The following CSMD1 variants were observed in gnomAD, a reference collection of about 807,000 sequenced individuals.
CSMD1 encodes the protein CUB and Sushi multiple domains 1, also known as CUB and sushi domain-containing protein 1.
CSMD1 carries 213 observed loss-of-function variants against 417.5 expected under a neutral mutation model. The observed-to-expected ratio is 0.51, with a 90% CI of 0.46 to 0.57. CSMD1 has a LOEUF of 0.57. Ranked by LOEUF, CSMD1 falls within the 20% of genes least tolerant of loss-of-function variation. The pLI, the probability that CSMD1 is intolerant of heterozygous loss-of-function variation, is 0.00. For missense variants in CSMD1, 6,923 were observed against 4,529.7 expected, an observed-to-expected ratio of 1.53 and a Z score of -15.17; for synonymous variants, 2,862 against 1,736.8, an observed-to-expected ratio of 1.65 and a Z score of -16.11.
At chr8:4,889,440 T>A (rs1803962024) in intron 1 of CSMD1, among the ~76,000 whole-genome samples, 2 of 152,082 alleles carry the variant, frequency 1.3e-5, no homozygotes, top group African/African-American at 4.8e-5. Context: ...AGCCAAAATT[T>A]GAATAAGCTT....
intron 6 of CSMD1, among the ~76,000 whole-genome samples, chr8:3,726,778 G>A (rs1404022501): frequency 6.6e-6 from 1 of 152,116 alleles, no homozygotes; most frequent in Non-Finnish European, 1.5e-5. Context: ...TTCTTAGCAT[G>A]CCCTCTGATG....
chr8:3,299,932 G>C (rs926573102), intron 25 of CSMD1, among the ~76,000 whole-genome samples: 1 of 152,148 alleles, frequency 6.6e-6, no homozygotes, highest in South Asian at 2.1e-4. Flanking sequence ...TTTGGTAATG[G>C]CTATAAAAAT....
chr8:2,950,998 A>T lies in CSMD1; in HGVS notation c.10201+116T>A, dbSNP rs688579. On this transcript the variant is annotated intron_variant, in intron 66 of 69. Transcript: ENST00000635120. ...GAGGCTCCAATGAGTTACAGTATAT[A>T]CAAAGCCAACAGAACAGTAATAAGT... 7.6e-6 allele frequency: 8 copies of T among 1,046,268 alleles called. No individual in the cohort carries two copies. In the South Asian group the frequency reaches 1.3e-4, roughly 17 times the overall value. 64.8% of individuals were successfully genotyped at this position (1,046,268 alleles called of 1,614,324 possible).
chr8:4,855,010 C>G (rs534329304), intron 1 of CSMD1, among the ~76,000 whole-genome samples: 15 of 152,270 alleles, frequency 9.9e-5, no homozygotes, highest in African/African-American at 3.6e-4. Context: ...ACTTAAATGT[C>G]CCTGTCTGAC....
intron 2 of CSMD1, among the ~76,000 whole-genome samples, chr8:4,581,980 G>A (rs576751107): frequency 6.6e-5 from 10 of 152,172 alleles, no homozygotes; most frequent in Non-Finnish European, 1.2e-4. Flanking sequence ...GAAGACAAAC[G>A]ACGATGGCTA....
intron 5 of CSMD1, among the ~76,000 whole-genome samples, chr8:3,783,112 C>T (rs532096090): frequency 8.4e-4 from 128 of 152,264 alleles, no homozygotes; most frequent in African/African-American, 2.9e-3. Context: ...CACCATCCTC[C>T]CTTCTCGGGA....
intron 6 of CSMD1, among the ~76,000 whole-genome samples, chr8:3,722,212 G>C (rs985292204): frequency 6.6e-6 from 1 of 152,130 alleles, no homozygotes; most frequent in Non-Finnish European, 1.5e-5. Flanking sequence ...GGGAGGCTGA[G>C]GCAGGAGAAT....
intron 1 of CSMD1, among the ~76,000 whole-genome samples, chr8:4,906,443 C>A (rs1805280986): frequency 6.6e-6 from 1 of 152,224 alleles, no homozygotes; most frequent in African/African-American, 2.4e-5. Context: ...GGACCAAGGA[C>A]TGTGTTCATT....
At chr8:3,733,809 C>G (rs1796390815) in intron 6 of CSMD1, among the ~76,000 whole-genome samples, 1 of 152,132 alleles carries the variant, frequency 6.6e-6, no homozygotes, top group Non-Finnish European at 1.5e-5. Context: ...ACTGTTAGAA[C>G]TGTTTTTACT....
At chr8:4,834,083 G>C (rs944232943) in intron 1 of CSMD1, among the ~76,000 whole-genome samples, 2 of 152,164 alleles carry the variant, frequency 1.3e-5, no homozygotes. Context: ...TGGACTCCTA[G>C]AGATATTCAA....
chr8:3,260,221 T>C lies in CSMD1; in HGVS notation c.4153+23923A>G, dbSNP rs1056280150. Reference sequence around the variant, plus strand: ...TCCTCACCCTGAATTGAACTCTTTATGCATATAACTAGGTTATCATTTTCT... The same window carrying C: ...TCCTCACCCTGAATTGAACTCTTTACGCATATAACTAGGTTATCATTTTCT... On this transcript the variant is annotated intron_variant, in intron 26 of 69. Transcript: ENST00000635120. Among the ~76,000 whole-genome samples, 5 of 152,168 alleles carry C rather than the reference T, an allele frequency of 3.3e-5. 1 individual carries two copies. Among genetic ancestry groups the C allele is most frequent in the Non-Finnish European group, 7.3e-5 (5 of 68,028 alleles).
intron 3 of CSMD1, among the ~76,000 whole-genome samples, chr8:4,132,980 C>G (rs1283689208): frequency 6.6e-6 from 1 of 152,132 alleles, no homozygotes; most frequent in African/African-American, 2.4e-5. Context: ...GTTATCCAGG[C>G]TGCAGTGCAG....
intron 3 of CSMD1, among the ~76,000 whole-genome samples, chr8:4,096,761 T>C (rs1801033150): frequency 6.6e-6 from 1 of 152,170 alleles, no homozygotes; most frequent in Admixed American, 6.5e-5. Context: ...GTTTTTTCCC[T>C]GCAATTTAGA....
At chr8:4,983,797 T>G (rs962299726) in intron 1 of CSMD1, among the ~76,000 whole-genome samples, 2 of 151,258 alleles carry the variant, frequency 1.3e-5, no homozygotes, top group African/African-American at 2.4e-5. Context: ...ACATAGTAAC[T>G]GACAAAAAAA....
chr8:3,536,188 T>C (rs191187551), intron 10 of CSMD1, among the ~76,000 whole-genome samples: 6 of 152,362 alleles, frequency 3.9e-5, no homozygotes, highest in African/African-American at 1.2e-4. Flanking sequence ...AGCAGACGTA[T>C]CCAGAGCACT....
At chr8:2,940,467 C>G (rs896294229) in intron 69 of CSMD1, among the ~76,000 whole-genome samples, 1 of 152,068 alleles carries the variant, frequency 6.6e-6, no homozygotes. Flanking sequence ...GATTCCCCAC[C>G]GACCCAGAGG....
intron 5 of CSMD1, among the ~76,000 whole-genome samples, chr8:3,771,427 T>C (rs138741642): frequency 6.6e-6 from 1 of 152,286 alleles, no homozygotes; most frequent in East Asian, 1.9e-4. Flanking sequence ...TTTTTGCAGA[T>C]GATAGCAAGT....
At chr8:3,163,550 T>A (rs1820025395) in intron 37 of CSMD1, among the ~76,000 whole-genome samples, 1 of 151,346 alleles carries the variant, frequency 6.6e-6, no homozygotes, top group Admixed American at 6.6e-5. Flanking sequence ...CTGAAGCCAG[T>A]CAGCTTTCCC....
rs146988936 is a variant in CSMD1 at position 4,684,053 on chromosome 8, T to C, written c.86-46495A>G. Among the ~76,000 whole-genome samples, 23 of 152,346 alleles carry C rather than the reference T, an allele frequency of 1.5e-4. No individual in the cohort carries two copies. The East Asian group carries it at 4.4e-3, about 29-fold the overall frequency. On this transcript the variant is annotated intron_variant, in intron 1 of 69. Transcript: ENST00000635120. ...CAGTATGATGGCATTTTACAATTTT[T>C]GTAAGTTTAGAAGAACATTTAAAAA...
Sources: gnomAD v4.1 joint callset for allele counts (sites outside exome capture counted in the v4.1 genomes callset) on GRCh38, gnomAD v4.1.1 for gene constraint, MANE v1.5 for transcripts, NCBI Gene and HGNC (gene_info 2026-07-23, HGNC 2026-07-21) for gene names.